Variants in HAS2 observed in about 807,000 individuals in gnomAD.
HAS2 encodes HA synthase 2.
In HAS2, 16 loss-of-function variants were observed where a neutral mutation model predicts 51.6. That is an observed-to-expected ratio of 0.31 (90% confidence interval 0.21 to 0.47). The LOEUF (loss-of-function observed/expected upper bound fraction) is 0.47, where lower values mean the gene tolerates loss of function less well. Among genes scored for constraint, HAS2 ranks in the 20% least tolerant of loss-of-function variants. The pLI, the probability that HAS2 is intolerant of heterozygous loss-of-function variation, is 1.00. For missense variants in HAS2, 361 were observed against 662.6 expected, an observed-to-expected ratio of 0.54 and a Z score of 5.00; for synonymous variants, 228 against 235.5, an observed-to-expected ratio of 0.97 and a Z score of 0.29.
chr8:121,624,641 C>T (rs191297031), intron 2 of HAS2, among the ~76,000 whole-genome samples: 25 of 152,312 alleles, frequency 1.6e-4, no homozygotes, highest in Admixed American at 7.2e-4. Flanking sequence ...AATCTTCCAG[C>T]TTAGAAGATG....
chr8:121,618,389 G>A (rs558672943), intron 2 of HAS2, among the ~76,000 whole-genome samples: 1 of 152,018 alleles, frequency 6.6e-6, no homozygotes, highest in African/African-American at 2.4e-5. Flanking sequence ...CCTGTTCCTG[G>A]GGGGGTGCCC....
intron 1 of HAS2, among the ~76,000 whole-genome samples, chr8:121,635,796 G>A (rs1813000615): frequency 6.6e-6 from 1 of 152,204 alleles, no homozygotes; most frequent in Non-Finnish European, 1.5e-5. Context: ...GGCGTGAACT[G>A]GTTCTAAAAC....
Position 121,614,562 on chromosome 8 carries a change from T to G in HAS2, c.1206A>C (p.Lys402Asn). The G allele has an allele frequency of 6.2e-7, 1 of 1,614,044 alleles. No individual in the cohort carries two copies. Among genetic ancestry groups the G allele is most frequent in the Non-Finnish European group, 8.5e-7 (1 of 1,179,980 alleles). ...ACAAGAAGAGGAGAATGTTCCAAAT[T>G]TTACCCCGGTAGAAGAGCTGGATTA... ...ATVIQLFYRGKIWNILLFLLT... is the reference protein window; with the variant it reads ...ATVIQLFYRGNIWNILLFLLT... Residue 402 changes from lysine to asparagine, a missense_variant, in exon 4 of 4, where the codon AAA (lysine) becomes AAC (asparagine). This residue lies in a region of HAS2 where 106 missense variants were observed against 241.0 expected (regional missense o/e 0.44). Coordinates refer to ENST00000303924, the MANE Select transcript of HAS2 (RefSeq NM_005328.3). The surrounding 1 kb of genome is among the most constrained non-coding windows in gnomAD (Gnocchi z 7.2).
At chr8:121,621,988 G>T (rs1812778957) in intron 2 of HAS2, among the ~76,000 whole-genome samples, 1 of 152,094 alleles carries the variant, frequency 6.6e-6, no homozygotes, top group South Asian at 2.1e-4. Context: ...TTTGAAAAAG[G>T]CTTCACCTTT....
At chr8:121,635,434 C>T (rs1045052143) in intron 1 of HAS2, among the ~76,000 whole-genome samples, 16 of 152,172 alleles carry the variant, frequency 1.1e-4, no homozygotes, top group African/African-American at 3.9e-4. Context: ...AACCCTGACT[C>T]TCCTTCCACT....
intron 1 of HAS2, among the ~76,000 whole-genome samples, chr8:121,638,454 C>T (rs1477500784): frequency 6.6e-6 from 1 of 152,266 alleles, no homozygotes; most frequent in South Asian, 2.1e-4. Flanking sequence ...ACAAGCAACT[C>T]AGGTAATATG....
intron 1 of HAS2, among the ~76,000 whole-genome samples, chr8:121,632,491 T>C (rs1244208942): frequency 1.3e-5 from 2 of 152,166 alleles, no homozygotes; most frequent in African/African-American, 4.8e-5. Flanking sequence ...TTTCCCCCAG[T>C]ATGAGACTTT....
intron 2 of HAS2, among the ~76,000 whole-genome samples, chr8:121,617,552 CTG>C (rs572778357): frequency 1.0e-3 from 152 of 152,038 alleles, no homozygotes; most frequent in Non-Finnish European, 1.5e-3. Context: ...TCCTGGCAAA[CTG>C]TAATGGTTGG....
In HAS2 at chr8:121,615,024, G is replaced by A. The variant is rs757246714; in HGVS notation, c.744C>T (p.Tyr248=). The change falls in exon 4 of 4, where the codon TAC becomes TAT. Residue 248 remains tyrosine, a synonymous_variant. Transcript: ENST00000303924. ...VGGDVQILNK[Y]DSWISFLSSV... The stretch of plus-strand genomic sequence containing the variant: ...TGCTGAGGAATGAGATCCAGGAATC[G>A]TACTTGTTTAAAATCTGCAAGAAGA... 4.4e-6 allele frequency: 7 copies of A among 1,597,138 alleles called. No homozygotes were observed. The highest frequency in any genetic ancestry group is 2.7e-5 in the African/African-American group (2 of 73,942).
chr8:121,624,862 G>A (rs1013088468), intron 2 of HAS2, among the ~76,000 whole-genome samples: 2 of 152,100 alleles, frequency 1.3e-5, no homozygotes, highest in African/African-American at 2.4e-5. Flanking sequence ...TTGGGAGGCC[G>A]AGGCGGGTGG....
chr8:121,636,281 A>C (rs1363145068), intron 1 of HAS2, among the ~76,000 whole-genome samples: 1 of 152,198 alleles, frequency 6.6e-6, no homozygotes, highest in Non-Finnish European at 1.5e-5. Context: ...CCCTACGTAG[A>C]AATCTGAGAT....
chr8:121,627,079 T>A (rs1812864441), intron 2 of HAS2, among the ~76,000 whole-genome samples: 2 of 152,144 alleles, frequency 1.3e-5, no homozygotes, highest in Non-Finnish European at 1.5e-5. Flanking sequence ...GGGAGGAGCA[T>A]GTTTAAAGAA....
intron 1 of HAS2, chr8:121,639,858 T>A (rs1813067079): frequency 1.3e-5 from 2 of 152,154 alleles, no homozygotes; most frequent in South Asian, 4.2e-4. Context: ...CTGGCTTCCC[T>A]CCCACCTCCA....
intron 1 of HAS2, among the ~76,000 whole-genome samples, chr8:121,633,849 C>T (rs2130450525): frequency 6.6e-6 from 1 of 151,918 alleles, no homozygotes; most frequent in South Asian, 2.1e-4. Flanking sequence ...TCTACTCTCA[C>T]TGCCCCAGTT....
chr8:121,618,354 G>A (rs2130434471), intron 2 of HAS2, among the ~76,000 whole-genome samples: 1 of 152,276 alleles, frequency 6.6e-6, no homozygotes, highest in South Asian at 2.1e-4. Context: ...TACAGTGTAT[G>A]TCCCTTCAAA....
At chr8:121,632,074 C>T (rs1812937665) in intron 1 of HAS2, among the ~76,000 whole-genome samples, 1 of 152,214 alleles carries the variant, frequency 6.6e-6, no homozygotes, top group African/African-American at 2.4e-5. Context: ...TAGCATACCA[C>T]AGCAACGTGG....
rs555688145 is a variant in HAS2, at chr8:121,613,249, G to T, written c.*860C>A. The stretch of plus-strand genomic sequence containing the variant: ...ACTACCTTTGGCCTTGATTTTCAAC[G>T]ATTTTTTTTTTAGGTACACACGAAA... On this transcript the variant is annotated 3_prime_UTR_variant, in exon 4 of 4. Coordinates refer to ENST00000303924, the MANE Select transcript of HAS2 (RefSeq NM_005328.3). 4.6e-5 allele frequency: 7 copies of T among 151,626 alleles called. No individual in the cohort carries two copies. Among genetic ancestry groups the T allele is most frequent in the Admixed American group, 2.0e-4 (3 of 15,182 alleles). The allele number at this position is 151,626 out of a possible 1,614,324, so 9.4% of individuals were successfully genotyped here. A position where few individuals can be genotyped will look rare whatever the true frequency, so the allele number is the denominator to read the frequency against.
chr8:121,629,471 A>C, intron 1 of HAS2, 131 bp from the exon 2 acceptor site: 17 of 724,150 alleles, frequency 2.3e-5, no homozygotes, highest in Non-Finnish European at 3.4e-5. Flanking sequence ...CGCCCAACTC[A>C]TTGTGTGACT....
chr8:121,617,914 G>A (rs934617469), intron 2 of HAS2, among the ~76,000 whole-genome samples: 1 of 151,564 alleles, frequency 6.6e-6, no homozygotes, highest in Non-Finnish European at 1.5e-5. Flanking sequence ...TGTTCATCTG[G>A]CCCTCTGAAT....
Sources: allele counts gnomAD v4.1 joint callset (sites outside exome capture counted in the v4.1 genomes callset), GRCh38; gene constraint gnomAD v4.1.1; regional missense constraint gnomAD v4.1.1; non-coding constraint Gnocchi (gnomAD v3.1); transcripts MANE v1.5; gene names NCBI Gene and HGNC (gene_info 2026-07-23, HGNC 2026-07-21).